MID1: variants seen among roughly 807,000 people sequenced by gnomAD.
The protein encoded by MID1 is midline 1.
A neutral mutation model predicts 40.4 loss-of-function variants in MID1; 7 were observed. That is an observed-to-expected ratio of 0.17 (90% CI 0.10 to 0.33). The LOEUF is 0.33. Ranked by LOEUF, MID1 falls within the 10% of genes least tolerant of loss-of-function variation. The pLI is 1.00. For missense variants in MID1, 367 were observed against 558.5 expected (o/e 0.66, Z 3.46); for synonymous variants, 229 against 221.2 (o/e 1.04, Z -0.31).
intron 3 of MID1, chrX:10,506,448 C>T: frequency 1.6e-6 from 1 of 614,071 alleles, no homozygotes; most frequent in East Asian, 3.5e-5. Flanking sequence ...AGATTAACCC[C>T]ATTGGGCAAC....
At chrX:10,508,315 T>C (rs1053673662) in intron 3 of MID1, among the ~76,000 whole-genome samples, 1 of 112,712 alleles carries the variant, frequency 8.9e-6, no homozygotes, top group African/African-American at 3.2e-5. Context: ...TGAATTGAGA[T>C]GTGCTGTGAA....
chrX:10,665,545 T>G (rs1336105712), intron 1 of MID1, among the ~76,000 whole-genome samples: 1 of 107,655 alleles, frequency 9.3e-6, no homozygotes, highest in African/African-American at 3.4e-5. Context: ...TTTTTTTTTT[T>G]GAGACAGATT....
intron 1 of MID1, among the ~76,000 whole-genome samples, chrX:10,727,374 C>T (rs2043400925): frequency 8.9e-6 from 1 of 112,775 alleles, no homozygotes; most frequent in Non-Finnish European, 1.9e-5. Context: ...CCGCCTCAGC[C>T]TCCCAAAGTG....
rs1316000204 is a variant in MID1, at chrX:10,558,015, T to A, written c.660+8873A>T. Among the ~76,000 whole-genome samples the A allele has an allele frequency of 3.7e-5, 4 of 109,186 alleles. No individual in the cohort carries two copies. The Admixed American group carries it at 3.9e-4, about 11-fold the overall frequency. The allele number at this position is 109,186 out of a possible 115,157, so 94.8% of individuals were successfully genotyped here. On this transcript the variant is annotated intron_variant, in intron 2 of 9. Coordinates refer to ENST00000317552, the MANE Select transcript of MID1 (RefSeq NM_000381.4). ...AACACAGTAACCCTATCCATTCTTATATTCTCACATGAAATTTATTTCAGA... is the reference window on the plus strand; with the variant it reads ...AACACAGTAACCCTATCCATTCTTAAATTCTCACATGAAATTTATTTCAGA...
At chrX:10,626,540 A>G (rs1935998064) in intron 1 of MID1, among the ~76,000 whole-genome samples, 1 of 110,425 alleles carries the variant, frequency 9.1e-6, no homozygotes, top group Admixed American at 9.7e-5. Context: ...GCTATGTGCT[A>G]TGTAGGGCTT....
intron 1 of MID1, among the ~76,000 whole-genome samples, chrX:10,790,445 C>T (rs1442866163): frequency 9.0e-6 from 1 of 110,849 alleles, no homozygotes; most frequent in Non-Finnish European, 1.9e-5. Flanking sequence ...ACTCCAGCAC[C>T]CTTGCTGCTT....
chrX:10,690,301 A>G (rs1602518937), intron 1 of MID1, among the ~76,000 whole-genome samples: 1 of 112,048 alleles, frequency 8.9e-6, no homozygotes, highest in East Asian at 2.8e-4. Context: ...TTACAATTCA[A>G]TTCAGCCTGA....
intron 1 of MID1, among the ~76,000 whole-genome samples, chrX:10,706,846 A>C (rs886543425): frequency 1.8e-5 from 2 of 112,001 alleles, no homozygotes; most frequent in African/African-American, 6.5e-5. Flanking sequence ...GAAGCCAATC[A>C]AATTTTCTCA....
upstream of MID1, among the ~76,000 whole-genome samples, chrX:10,622,738 A>G (rs1935948269): frequency 9.0e-6 from 1 of 111,456 alleles, no homozygotes; most frequent in African/African-American, 3.3e-5. Context: ...GACCCAGTCT[A>G]AGGTACAGTA....
At chrX:10,828,415 A>G (rs1390810674) in intron 1 of MID1, among the ~76,000 whole-genome samples, 1 of 111,772 alleles carries the variant, frequency 8.9e-6, no homozygotes, top group Non-Finnish European at 1.9e-5. Context: ...GCTTTTACCA[A>G]TGAATTTGCT....
chrX:10,517,090 A>G (rs180884051), intron 3 of MID1, among the ~76,000 whole-genome samples: 32 of 111,927 alleles, frequency 2.9e-4, no homozygotes, highest in Admixed American at 6.6e-4. Flanking sequence ...AGCAGAGGTA[A>G]ATCCCTGGGA....
chrX:10,767,067 C>T (rs931521906), intron 1 of MID1, among the ~76,000 whole-genome samples: 1 of 111,109 alleles, frequency 9.0e-6, no homozygotes, highest in Non-Finnish European at 1.9e-5. Flanking sequence ...AGCATCTAAC[C>T]CATAAGGCTC....
chrX:10,706,853 C>T (rs2043235027), intron 1 of MID1, among the ~76,000 whole-genome samples: 1 of 111,686 alleles, frequency 9.0e-6, no homozygotes, highest in Admixed American at 9.5e-5. Flanking sequence ...ATCAAATTTT[C>T]TCAATAGAAA....
chrX:10,646,273 G>A (rs1273985699), intron 1 of MID1, among the ~76,000 whole-genome samples: 2 of 111,157 alleles, frequency 1.8e-5, no homozygotes, highest in Non-Finnish European at 3.8e-5. Flanking sequence ...CTGCCCAGTG[G>A]TCCTTGTAAT....
upstream of MID1, among the ~76,000 whole-genome samples, chrX:10,624,354 T>G (rs1277207387): frequency 3.6e-5 from 4 of 112,210 alleles, no homozygotes; most frequent in African/African-American, 1.3e-4. Context: ...AAAATCTATG[T>G]AGTCAGAAAT....
intron 1 of MID1, among the ~76,000 whole-genome samples, chrX:10,688,795 G>T (rs1219945271): frequency 9.0e-6 from 1 of 111,374 alleles, no homozygotes; most frequent in African/African-American, 3.3e-5. Context: ...TGGCACATAT[G>T]AATTGAGAAA....
At position 10,715,439 on chromosome X, in the gene MID1, C is replaced by T. The variant is rs190796978; in HGVS notation, c.-186-95020G>A. On this transcript the variant is annotated intron_variant, in intron 1 of 10. Transcript: ENST00000380785. ...GGAGGGTCCTACGCCCACGGAGCCTCACTCATTGCTAGCACAGCAGTCTGA... is the reference window on the plus strand; with the variant it reads ...GGAGGGTCCTACGCCCACGGAGCCTTACTCATTGCTAGCACAGCAGTCTGA... 4.0e-3 allele frequency among the ~76,000 whole-genome samples: 450 copies of T among 112,129 alleles called. 5 individuals are homozygous for T. The highest frequency in any genetic ancestry group is 0.014 in the African/African-American group (432 of 30,919).
At chrX:10,646,180 C>T (rs1051608513) in intron 1 of MID1, among the ~76,000 whole-genome samples, 1 of 112,155 alleles carries the variant, frequency 8.9e-6, no homozygotes, top group Admixed American at 9.5e-5. Flanking sequence ...CTAAGACAAG[C>T]ACCTACTCCA....
At chrX:10,770,733 T>G (rs981663603) in intron 1 of MID1, among the ~76,000 whole-genome samples, 5 of 112,079 alleles carry the variant, frequency 4.5e-5, no homozygotes, top group Non-Finnish European at 9.4e-5. Context: ...AAATTCTTCA[T>G]TTTATTATAA....
Sources: allele counts gnomAD v4.1 joint callset (sites outside exome capture counted in the v4.1 genomes callset), GRCh38; gene constraint gnomAD v4.1.1; transcripts MANE v1.5; gene names NCBI Gene and HGNC (gene_info 2026-07-23, HGNC 2026-07-21).